The following CSMD1 variants were observed in gnomAD, a reference collection of about 807,000 sequenced individuals.
CSMD1 encodes the protein CUB and Sushi multiple domains 1.
In CSMD1, 213 loss-of-function variants were observed where a neutral mutation model predicts 417.5. The ratio of observed to expected loss-of-function variants is 0.51; its 90% CI spans 0.46 to 0.57. CSMD1 has a LOEUF of 0.57. Ranked by LOEUF, CSMD1 falls within the 20% of genes least tolerant of loss-of-function variation. The pLI is 0.00. For synonymous variants in CSMD1, 2,862 were observed against 1,736.8 expected (o/e 1.65, Z -16.11); for missense variants, 6,923 against 4,529.7 (o/e 1.53, Z -15.17).
At chr8:3,807,972 C>G (rs376081309) in intron 5 of CSMD1, among the ~76,000 whole-genome samples, 2 of 152,180 alleles carry the variant, frequency 1.3e-5, no homozygotes, top group African/African-American at 4.8e-5. Context: ...ACAAGACATG[C>G]AGCCCTATTC....
At chr8:4,857,096 T>G (rs12549044) in intron 1 of CSMD1, among the ~76,000 whole-genome samples, 2 of 147,162 alleles carry the variant, frequency 1.4e-5, no homozygotes, top group African/African-American at 5.1e-5. Context: ...CAAACTAGAA[T>G]TCAGGATTAA....
At chr8:3,139,475 G>A (rs1818304297) in intron 41 of CSMD1, among the ~76,000 whole-genome samples, 1 of 152,190 alleles carries the variant, frequency 6.6e-6, no homozygotes, top group Non-Finnish European at 1.5e-5. Context: ...CATGAGAAAG[G>A]AAGTGTGCCT....
At chr8:4,410,799 T>A (rs529997424) in intron 3 of CSMD1, among the ~76,000 whole-genome samples, 1 of 152,292 alleles carries the variant, frequency 6.6e-6, no homozygotes, top group East Asian at 1.9e-4. Context: ...GACTCCCCTC[T>A]GCAATGGTTT....
chr8:4,579,715 G>T (rs1020486818), intron 2 of CSMD1, among the ~76,000 whole-genome samples: 6 of 151,960 alleles, frequency 3.9e-5, no homozygotes, highest in African/African-American at 1.4e-4. Context: ...GAAACTCCAT[G>T]TTTTTTACAT....
chr8:3,809,989 G>C (rs373583821), intron 5 of CSMD1, among the ~76,000 whole-genome samples: 3 of 152,108 alleles, frequency 2.0e-5, no homozygotes, highest in South Asian at 2.1e-4. Context: ...GGCCAAAATA[G>C]ACACCAGCTC....
chr8:3,302,411 C>T (rs183861397), intron 25 of CSMD1, among the ~76,000 whole-genome samples: 268 of 152,264 alleles, frequency 1.8e-3, no homozygotes, highest in South Asian at 7.9e-3. Context: ...AAGGTCTCTC[C>T]GCACAGCAGT....
At chr8:3,271,523 G>A (rs184602572) in intron 26 of CSMD1, among the ~76,000 whole-genome samples, 1 of 147,826 alleles carries the variant, frequency 6.8e-6, no homozygotes, top group African/African-American at 2.5e-5. Context: ...CACAATGGTT[G>A]AACTAGTTTA....
intron 2 of CSMD1, among the ~76,000 whole-genome samples, chr8:4,560,522 G>T (rs1798284219): frequency 1.3e-5 from 2 of 152,212 alleles, no homozygotes; most frequent in South Asian, 4.1e-4. Flanking sequence ...ACATGATTTT[G>T]CATGCATGGA....
intron 3 of CSMD1, among the ~76,000 whole-genome samples, chr8:4,077,814 G>T (rs778653582): frequency 6.6e-6 from 1 of 152,010 alleles, no homozygotes; most frequent in East Asian, 1.9e-4. Flanking sequence ...CTGTTCCATG[G>T]GAATTTTCAG....
At chr8:4,322,365 G>C (rs1223573965) in intron 3 of CSMD1, among the ~76,000 whole-genome samples, 1 of 152,108 alleles carries the variant, frequency 6.6e-6, no homozygotes, top group Non-Finnish European at 1.5e-5. Flanking sequence ...GTTTAAAGTG[G>C]AATTAGAATT....
chr8:3,504,878 G>C (rs1408332859), intron 10 of CSMD1, among the ~76,000 whole-genome samples: 1 of 152,106 alleles, frequency 6.6e-6, no homozygotes, highest in African/African-American at 2.4e-5. Context: ...GGCAAATGTG[G>C]CAAGGAAAAT....
chr8:3,533,557 G>T (rs1250546552), intron 10 of CSMD1, among the ~76,000 whole-genome samples: 3 of 152,122 alleles, frequency 2.0e-5, no homozygotes, highest in African/African-American at 4.8e-5. Flanking sequence ...TGTCTATAAA[G>T]CAGGTTCACA....
At chr8:3,304,715 TTTTTTTA>T (rs1356711133) in intron 25 of CSMD1, among the ~76,000 whole-genome samples, 2 of 38,908 alleles carry the variant, frequency 5.1e-5, no homozygotes, top group Non-Finnish European at 1.3e-4. Context: ...TATTCAAATA[TTTTTTTA>T]TTTTTCTCTT....
At chr8:4,911,249 C>T (rs1228852171) in intron 1 of CSMD1, among the ~76,000 whole-genome samples, 6 of 152,170 alleles carry the variant, frequency 3.9e-5, no homozygotes, top group African/African-American at 1.4e-4. Context: ...TTCAAATGAC[C>T]TTTGTCCACC....
At position 4,826,794 on chromosome 8, in the gene CSMD1, G is replaced by C. The variant is rs576401826; in HGVS notation, c.85+167538C>G. 2.6e-4 allele frequency among the ~76,000 whole-genome samples: 40 copies of C among 152,230 alleles called. No homozygotes were observed. In the South Asian group the frequency reaches 7.9e-3, roughly 30 times the overall value. ...GCTCCCTCTGCTATATGGAAGTACA[G>C]GCTTAATGTACTTTTACCAAATCTT... On this transcript the variant is annotated intron_variant, in intron 1 of 69. Coordinates refer to ENST00000635120, the MANE Select transcript of CSMD1 (RefSeq NM_033225.6).
intron 3 of CSMD1, among the ~76,000 whole-genome samples, chr8:4,061,268 A>G (rs1798958699): frequency 6.6e-6 from 1 of 152,224 alleles, no homozygotes; most frequent in Non-Finnish European, 1.5e-5. Context: ...CAGGCATGGA[A>G]TATTGACTTC....
At chr8:3,565,766 A>C (rs1232629865) in intron 10 of CSMD1, among the ~76,000 whole-genome samples, 2 of 152,222 alleles carry the variant, frequency 1.3e-5, no homozygotes, top group Non-Finnish European at 2.9e-5. Context: ...TAGTGTAAAA[A>C]CACAAATTGC....
At chr8:3,485,473 G>C (rs1209419305) in intron 11 of CSMD1, among the ~76,000 whole-genome samples, 1 of 151,388 alleles carries the variant, frequency 6.6e-6, no homozygotes, top group Non-Finnish European at 1.5e-5. Context: ...TCTTGACTGT[G>C]GCGGATACAG....
intron 50 of CSMD1, among the ~76,000 whole-genome samples, chr8:3,037,610 C>G (rs1360963499): frequency 6.6e-6 from 1 of 152,088 alleles, no homozygotes; most frequent in Non-Finnish European, 1.5e-5. Flanking sequence ...TGGGTAGATG[C>G]CCCGTAGTAG....
Sources: gnomAD v4.1 joint callset for allele counts (sites outside exome capture counted in the v4.1 genomes callset) on GRCh38, gnomAD v4.1.1 for gene constraint, MANE v1.5 for transcripts, NCBI Gene and HGNC (gene_info 2026-07-23, HGNC 2026-07-21) for gene names.